Variants in SPATA6 observed in about 807,000 individuals in gnomAD.
SPATA6 encodes the protein spermatogenesis-associated protein 6.
In SPATA6, 56 loss-of-function variants were observed where a neutral mutation model predicts 65.3. The observed-to-expected ratio is 0.86, with a 90% CI of 0.69 to 1.07. The LOEUF (loss-of-function observed/expected upper bound fraction) is 1.07. Among genes scored for constraint, SPATA6 ranks in the 50% least tolerant of loss-of-function variants. The pLI is 0.00. For synonymous variants in SPATA6, 199 were observed against 213.2 expected (o/e 0.93, Z 0.58); for missense variants, 590 against 594.8 (o/e 0.99, Z 0.08).
chr1:48,270,966 A>G, the SPATA6 span, among the ~76,000 whole-genome samples: 2 of 152,254 alleles, frequency 1.3e-5, no homozygotes, highest in East Asian at 1.9e-4. Context: ...TAGTTTCTAG[A>G]TTAAGTTGGT....
intron 5 of SPATA6, among the ~76,000 whole-genome samples, chr1:48,404,167 T>A (rs1651454708): frequency 6.6e-6 from 1 of 152,158 alleles, no homozygotes. Flanking sequence ...TTTAAATTTT[T>A]AAATTATGAT....
intron 12 of SPATA6, among the ~76,000 whole-genome samples, chr1:48,303,844 A>G (rs973114106): frequency 6.6e-6 from 1 of 152,280 alleles, no homozygotes; most frequent in Non-Finnish European, 1.5e-5. Context: ...AAGAGTTCTT[A>G]AATTGTTTTT....
At position 48,398,140 on chromosome 1, in the gene SPATA6, T is replaced by A. The variant is rs993168658; in HGVS notation, c.780+1211A>T. Reference sequence around the variant, plus strand: ...AACTAAAATATTATCTGAATATTGGTCAAACAACAACAAAAAAGTGACCAA... The same window carrying A: ...AACTAAAATATTATCTGAATATTGGACAAACAACAACAAAAAAGTGACCAA... On this transcript the variant is annotated intron_variant, in intron 7 of 12. Transcript: ENST00000371847. 2.0e-5 allele frequency among the ~76,000 whole-genome samples: 3 copies of A among 151,596 alleles called. 1 individual carries two copies. The highest frequency in any genetic ancestry group is 4.4e-5 in the Non-Finnish European group (3 of 67,686).
At chr1:48,289,584 A>G in the SPATA6 span, among the ~76,000 whole-genome samples, 3 of 152,220 alleles carry the variant, frequency 2.0e-5, no homozygotes, top group Non-Finnish European at 2.9e-5. Context: ...CCCATCGCAA[A>G]GAAGCTAAAA....
At chr1:48,313,705 A>C (rs1189802035) in intron 11 of SPATA6, among the ~76,000 whole-genome samples, 3 of 152,220 alleles carry the variant, frequency 2.0e-5, no homozygotes, top group African/African-American at 7.2e-5. Context: ...TATTAACATT[A>C]AATGTAAATG....
At chr1:48,273,240 T>G in the SPATA6 span, among the ~76,000 whole-genome samples, 2 of 152,220 alleles carry the variant, frequency 1.3e-5, no homozygotes, top group East Asian at 3.8e-4. Context: ...TTTTGTGGTT[T>G]CAAGTTTTAC....
chr1:48,330,929 A>G (rs1272322072), intron 11 of SPATA6, among the ~76,000 whole-genome samples: 4 of 152,192 alleles, frequency 2.6e-5, no homozygotes, highest in African/African-American at 9.6e-5. Flanking sequence ...ACAACCCCCA[A>G]CAAAAGAAAT....
chr1:48,326,479 T>C (rs1645763790), intron 11 of SPATA6, among the ~76,000 whole-genome samples: 2 of 151,556 alleles, frequency 1.3e-5, no homozygotes, highest in Admixed American at 1.3e-4. Context: ...CAACATCATT[T>C]TTTAAAGAAT....
chr1:48,420,059 AC>A lies in SPATA6; in HGVS notation c.239-6909del, dbSNP rs567440191. Among the ~76,000 whole-genome samples the A allele has an allele frequency of 2.6e-5, 4 of 151,882 alleles. No homozygotes were observed. In the South Asian group the frequency reaches 8.3e-4, roughly 32 times the overall value. On this transcript the variant is annotated intron_variant, in intron 3 of 12. Coordinates refer to ENST00000371847, the MANE Select transcript of SPATA6 (RefSeq NM_019073.4). ...TATGATTAGAGTTGGGACTTGCAGC[AC>A]CCCCCACAAACTCTAGGAGGAGAGA...
intron 4 of SPATA6, among the ~76,000 whole-genome samples, chr1:48,411,804 T>C (rs1166882768): frequency 6.6e-6 from 1 of 152,154 alleles, no homozygotes. Context: ...ATGAAGTTGG[T>C]CCAACATTTA....
chr1:48,338,967 T>C (rs1386715521), intron 11 of SPATA6, among the ~76,000 whole-genome samples: 1 of 152,032 alleles, frequency 6.6e-6, no homozygotes, highest in East Asian at 1.9e-4. Context: ...GAAGCTGGTC[T>C]CTGTCATAGA....
chr1:48,402,263 G>A (rs1186531509), intron 6 of SPATA6, among the ~76,000 whole-genome samples: 1 of 152,034 alleles, frequency 6.6e-6, no homozygotes, highest in Non-Finnish European at 1.5e-5. Flanking sequence ...TTTAGAAATG[G>A]CTTTCACCAA....
the SPATA6 span, among the ~76,000 whole-genome samples, chr1:48,286,185 A>T: frequency 1.3e-5 from 2 of 150,790 alleles, no homozygotes; most frequent in African/African-American, 2.4e-5. Flanking sequence ...AATTTTAGGA[A>T]TTTTTTTTCT....
chr1:48,298,729 G>GT lies in SPATA6; in HGVS notation c.1450dup (p.Thr484AsnfsTer49). 6.2e-7 allele frequency: 1 copy of GT among 1,612,786 alleles called. No homozygotes were observed. The highest frequency in any genetic ancestry group is 1.7e-4 in the Middle Eastern group (1 of 6,050). On this transcript the variant is annotated frameshift_variant, in exon 13 of 13. Coordinates refer to ENST00000371847, the MANE Select transcript of SPATA6 (RefSeq NM_019073.4). LOFTEE classifies it high-confidence loss of function. ...TGGATGGTCTCAGAAGCTTTCCTGT[G>GT]TATGTGAAGCAGAACTACAGGCCTT... is the stretch of plus-strand genomic sequence containing the variant.
intron 1 of SPATA6, among the ~76,000 whole-genome samples, chr1:48,455,422 G>A (rs184525665): frequency 3.5e-5 from 5 of 144,816 alleles, no homozygotes; most frequent in Admixed American, 7.1e-5. Context: ...TCTGTCTGTC[G>A]TCCAGGCTGC....
rs1263547666 is a variant in SPATA6, at chr1:48,311,400, C to G, written c.1195-5522G>C. 3.9e-5 allele frequency among the ~76,000 whole-genome samples: 6 copies of G among 152,054 alleles called. No individual in the cohort carries two copies. In the South Asian group the frequency reaches 1.2e-3, roughly 32 times the overall value. ...AAATAAAAAGGGTAATAAGGAAATG[C>G]ATGAAATAATTGTAAACCAAAATAA... On this transcript the variant is annotated intron_variant, in intron 11 of 12. Transcript: ENST00000371847.
At chr1:48,436,965 A>G in intron 3 of SPATA6, 1 of 1,612,242 alleles carries the variant, frequency 6.2e-7, no homozygotes. Context: ...TACACACACC[A>G]TCCTCAAAAA....
intron 12 of SPATA6, among the ~76,000 whole-genome samples, chr1:48,302,306 T>C (rs1356828131): frequency 1.3e-5 from 2 of 152,224 alleles, no homozygotes; most frequent in East Asian, 3.9e-4. Flanking sequence ...GCTTTTAGTG[T>C]ACTCATGGTT....
chr1:48,265,445 G>A, the SPATA6 span, among the ~76,000 whole-genome samples: 2 of 151,368 alleles, frequency 1.3e-5, no homozygotes, highest in Non-Finnish European at 2.9e-5. Flanking sequence ...AAACCAAAAG[G>A]TATATAGTTC....
Sources: gnomAD v4.1 joint callset for allele counts (sites outside exome capture counted in the v4.1 genomes callset) on GRCh38, gnomAD v4.1.1 for gene constraint, MANE v1.5 for transcripts, NCBI Gene and HGNC (gene_info 2026-07-23, HGNC 2026-07-21) for gene names.